Variants in MYO1D observed in about 807,000 individuals in gnomAD.
The protein encoded by MYO1D is myosin ID.
In MYO1D, 83 loss-of-function variants were observed where a neutral mutation model predicts 122.0. The observed-to-expected ratio is 0.68, with a 90% CI of 0.57 to 0.82. The LOEUF is 0.82. Among genes scored for constraint, MYO1D ranks in the 40% least tolerant of loss-of-function variants. The pLI is 0.00. For synonymous variants in MYO1D, 464 were observed against 446.9 expected (o/e 1.04, Z -0.48); for missense variants, 1,157 against 1,269.5 (o/e 0.91, Z 1.35).
intron 21 of MYO1D, among the ~76,000 whole-genome samples, chr17:32,551,197 T>C (rs902295010): frequency 3.3e-5 from 5 of 152,150 alleles, no homozygotes; most frequent in Non-Finnish European, 7.4e-5. Context: ...TCCCAAACTA[T>C]AGGACTCAAA....
chr17:32,851,480 T>C lies in MYO1D; in HGVS notation c.95+25298A>G, dbSNP rs114829142. The stretch of plus-strand genomic sequence containing the variant: ...CCAGTTCTGCAGCCCTTCTATCAAA[T>C]AGTCCATATCCACCTCATCTACTCC... On this transcript the variant is annotated intron_variant, in intron 1 of 21. Transcript: ENST00000318217. Among the ~76,000 whole-genome samples the C allele has an allele frequency of 2.0e-3, 307 of 152,286 alleles. 1 individual carries two copies. The highest frequency in any genetic ancestry group is 6.9e-3 in the African/African-American group (286 of 41,550).
chr17:32,825,028 A>G lies in MYO1D; in HGVS notation c.96-44244T>C, dbSNP rs376760628. ...GTTACTTGCATGTTTTTCTTTAGTAATGAAAAAATAAGGATAAAAAAGTAA... is the reference window on the plus strand; with the variant it reads ...GTTACTTGCATGTTTTTCTTTAGTAGTGAAAAAATAAGGATAAAAAAGTAA... On this transcript the variant is annotated intron_variant, in intron 1 of 21. Transcript: ENST00000318217. Among the ~76,000 whole-genome samples the G allele has an allele frequency of 4.6e-5, 7 of 152,332 alleles. No homozygotes were observed. In the East Asian group the frequency reaches 1.3e-3, roughly 29 times the overall value.
In MYO1D at chr17:32,838,072, A is replaced by G. The variant is rs149035429; in HGVS notation, c.95+38706T>C. Among the ~76,000 whole-genome samples, 14 of 152,290 alleles carry G rather than the reference A, an allele frequency of 9.2e-5. No homozygotes were observed. In the East Asian group the frequency reaches 2.3e-3, roughly 25 times the overall value. ...TTTTTATGTAGTTGGATCGGTGATC[A>G]CACCCAAGCTTAGAAATATTTTTTC... On this transcript the variant is annotated intron_variant, in intron 1 of 21. Coordinates refer to ENST00000318217, the MANE Select transcript of MYO1D (RefSeq NM_015194.3).
At chr17:32,730,438 G>C (rs1040996031) in intron 14 of MYO1D, among the ~76,000 whole-genome samples, 1 of 151,740 alleles carries the variant, frequency 6.6e-6, no homozygotes, top group Non-Finnish European at 1.5e-5. Context: ...TTTTCTTTTC[G>C]CATTTCAGAG....
Position 32,668,497 on chromosome 17 carries a change from C to T in MYO1D, c.2122-9159G>A, listed in dbSNP as rs570297486. The stretch of plus-strand genomic sequence containing the variant: ...CTAGTTCTCTAGATTGCCAAAATAG[C>T]TGATATTTGAAAGATCCAGCCAAAG... On this transcript the variant is annotated intron_variant, in intron 16 of 21. Coordinates refer to ENST00000318217, the MANE Select transcript of MYO1D (RefSeq NM_015194.3). Among the ~76,000 whole-genome samples, 4 of 152,276 alleles carry T rather than the reference C, an allele frequency of 2.6e-5. No homozygotes were observed. In the South Asian group the frequency reaches 8.3e-4, roughly 32 times the overall value.
intron 21 of MYO1D, among the ~76,000 whole-genome samples, chr17:32,535,485 C>T (rs1464854520): frequency 3.3e-5 from 5 of 152,210 alleles, no homozygotes; most frequent in Admixed American, 6.5e-5. Context: ...CGGTGGCTCA[C>T]GCCTATAATC....
chr17:32,832,034 GTC>G (rs1359282637), intron 1 of MYO1D, among the ~76,000 whole-genome samples: 2 of 152,096 alleles, frequency 1.3e-5, no homozygotes, highest in African/African-American at 4.8e-5. Flanking sequence ...ATTCTGCAGT[GTC>G]ATGTATACAC....
intron 20 of MYO1D, among the ~76,000 whole-genome samples, chr17:32,630,777 G>C (rs573903990): frequency 3.3e-5 from 5 of 152,142 alleles, no homozygotes; most frequent in African/African-American, 1.2e-4. Flanking sequence ...GTTTCACCTT[G>C]TTAGCCAGGA....
In MYO1D at chr17:32,653,710, C is replaced by A; in HGVS notation, c.2595+133G>T. On this transcript the variant is annotated intron_variant, in intron 19 of 21. Transcript: ENST00000318217. The stretch of plus-strand genomic sequence containing the variant: ...CAGCCATTCCTACAATGCCTCAGCA[C>A]AGACAGGTCTAGTGAACTGATGATG... 8 of 681,278 alleles carry A rather than the reference C, an allele frequency of 1.2e-5. No homozygotes were observed. In the Middle Eastern group the frequency reaches 1.8e-3, roughly 158 times the overall value. 42.2% of individuals were successfully genotyped at this position (681,278 alleles called of 1,614,324 possible).
chr17:32,621,985 G>A (rs527502592), intron 20 of MYO1D, among the ~76,000 whole-genome samples: 1 of 152,144 alleles, frequency 6.6e-6, no homozygotes, highest in Non-Finnish European at 1.5e-5. Flanking sequence ...CCTCCAGACT[G>A]GGAAATAGAT....
At chr17:32,618,609 T>C (rs1212985663) in intron 20 of MYO1D, among the ~76,000 whole-genome samples, 1 of 151,650 alleles carries the variant, frequency 6.6e-6, no homozygotes, top group Non-Finnish European at 1.5e-5. Flanking sequence ...GGGCCTCCCA[T>C]AGCTGCCTCT....
intron 13 of MYO1D, among the ~76,000 whole-genome samples, chr17:32,740,675 A>G (rs1319259272): frequency 6.6e-6 from 1 of 151,982 alleles, no homozygotes; most frequent in Non-Finnish European, 1.5e-5. Context: ...TGGTCTCCCT[A>G]TGTTGTCCAG....
At chr17:32,516,593 TAGA>T (rs914855439) in intron 21 of MYO1D, among the ~76,000 whole-genome samples, 6 of 152,334 alleles carry the variant, frequency 3.9e-5, no homozygotes, top group South Asian at 2.1e-4. Flanking sequence ...CCCAGTCTCG[TAGA>T]AGATTTAAAT....
intron 16 of MYO1D, among the ~76,000 whole-genome samples, chr17:32,699,480 G>T (rs1177277547): frequency 6.6e-6 from 1 of 152,154 alleles, no homozygotes; most frequent in African/African-American, 2.4e-5. Context: ...TGCTGTCTCA[G>T]CTCTGGGGGT....
chr17:32,820,841 A>G (rs1315628236), intron 1 of MYO1D, among the ~76,000 whole-genome samples: 1 of 152,210 alleles, frequency 6.6e-6, no homozygotes, highest in Non-Finnish European at 1.5e-5. Flanking sequence ...TACTTTAAGT[A>G]TATATATTTT....
intron 21 of MYO1D, among the ~76,000 whole-genome samples, chr17:32,600,445 T>G (rs1315266149): frequency 2.0e-5 from 3 of 152,264 alleles, no homozygotes; most frequent in Non-Finnish European, 2.9e-5. Flanking sequence ...CTATTTTGTC[T>G]GCATTGAAAA....
intron 1 of MYO1D, among the ~76,000 whole-genome samples, chr17:32,826,605 G>T (rs2090725259): frequency 6.6e-6 from 1 of 152,116 alleles, no homozygotes; most frequent in African/African-American, 2.4e-5. Context: ...AATTTATACA[G>T]GTGACACCAC....
At chr17:32,718,788 T>C (rs2089476222) in intron 15 of MYO1D, among the ~76,000 whole-genome samples, 1 of 152,224 alleles carries the variant, frequency 6.6e-6, no homozygotes, top group Admixed American at 6.5e-5. Flanking sequence ...CTGCTTCTCT[T>C]ATCTTTGCTG....
intron 1 of MYO1D, among the ~76,000 whole-genome samples, chr17:32,866,839 G>T (rs982535593): frequency 6.6e-6 from 1 of 152,190 alleles, no homozygotes. Flanking sequence ...CACAGGGCAG[G>T]GGGAGGAAGG....
Sources: allele counts gnomAD v4.1 joint callset (sites outside exome capture counted in the v4.1 genomes callset), GRCh38; gene constraint gnomAD v4.1.1; transcripts MANE v1.5; gene names NCBI Gene and HGNC (gene_info 2026-07-23, HGNC 2026-07-21).